Variants in GGN observed in about 807,000 individuals in gnomAD.
GGN encodes the protein gametogenetin.
Under a neutral mutation model 35.5 loss-of-function variants are expected in GGN, and 27 were observed. The ratio of observed to expected loss-of-function variants is 0.76; its 90% confidence interval spans 0.56 to 1.05. GGN has a LOEUF of 1.05. Among genes scored for constraint, GGN ranks in the 50% least tolerant of loss-of-function variants. The pLI is 0.00. For synonymous variants in GGN, 425 were observed against 444.1 expected (o/e 0.96, Z 0.54); for missense variants, 1,006 against 940.7 (o/e 1.07, Z -0.91).
rs746045023 is a variant in GGN at position 38,385,610 on chromosome 19, C to T, written c.1652G>A (p.Arg551Gln). 7.4e-6 allele frequency: 12 copies of T among 1,614,000 alleles called. No individual in the cohort carries two copies. The South Asian group carries it at 7.7e-5, about 10-fold the overall frequency. Residue 551 changes from arginine to glutamine, a missense_variant, in exon 3 of 4, where the codon CGA (arginine) becomes CAA (glutamine). Coordinates refer to ENST00000334928, the MANE Select transcript of GGN (RefSeq NM_152657.4). Reference sequence around the variant, plus strand: ...GCTGTCAGGCACGGTAGCTGTAGCTCGTTCGCGAGGACCATCTCCATGCAA... The same window carrying T: ...GCTGTCAGGCACGGTAGCTGTAGCTTGTTCGCGAGGACCATCTCCATGCAA... ...DGLHGDGPRE[R>Q]ATATVPDSSG...
chr19:38,384,339 C>T lies in GGN; in HGVS notation c.*73G>A. The T allele has an allele frequency of 9.0e-7, 1 of 1,110,266 alleles. No individual in the cohort carries two copies. The highest frequency in any genetic ancestry group is 1.4e-6 in the Non-Finnish European group (1 of 731,366). The allele number at this position is 1,110,266 out of a possible 1,614,324, so 68.8% of individuals were successfully genotyped here. The stretch of plus-strand genomic sequence containing the variant: ...ACCCACTGCCTTGGCGAGTGATTGA[C>T]AGGCTGCTGGCATCTGGATTGGTTA... On this transcript the variant is annotated 3_prime_UTR_variant, in exon 4 of 4. Transcript: ENST00000334928.
rs1970746499 is a variant in GGN, at chr19:38,387,127, A to G, written c.135T>C (p.Arg45=). The change falls in exon 3 of 4, where the codon CGT becomes CGC. Residue 45 remains arginine, a synonymous_variant. Coordinates refer to ENST00000334928, the MANE Select transcript of GGN (RefSeq NM_152657.4). The surrounding 1 kb of genome is among the most constrained non-coding windows in gnomAD (Gnocchi z 5.3). ...EMTSQAMRLT[R]GLGVWFPGSA... ...TGCCAGGGAACCAGACACCCAGCCC[A>G]CGAGTCAGGCGCATGGCCTGGGAGG... The G allele has an allele frequency of 6.4e-7, 1 of 1,567,406 alleles. No homozygotes were observed. Among genetic ancestry groups the G allele is most frequent in the Admixed American group, 1.9e-5 (1 of 53,314 alleles).
Position 38,387,115 on chromosome 19 carries a change from G to C in GGN, c.147C>G (p.Val49=), listed in dbSNP as rs1481312847. 1 of 1,562,232 alleles carries C rather than the reference G, an allele frequency of 6.4e-7. No homozygotes were observed. Among genetic ancestry groups the C allele is most frequent in the East Asian group, 2.4e-5 (1 of 41,498 alleles). ...GGGGTGTGGCGCTGCCAGGGAACCA[G>C]ACACCCAGCCCACGAGTCAGGCGCA... ...QAMRLTRGLG[V]WFPGSATPPG... is the part of the protein sequence containing the mutation. Residue 49 remains valine, a synonymous_variant, in exon 3 of 4, where the codon GTC becomes GTG. Transcript: ENST00000334928. This position sits in a 1 kb window ranked among gnomAD's most constrained non-coding sequence, Gnocchi z 5.3.
At position 38,385,765 on chromosome 19, in the gene GGN, A is replaced by G. The variant is rs376498232; in HGVS notation, c.1497T>C (p.Ala499=). ...AGGGCTCAGCCACGGTGGGAGCTGG[A>G]GCCGGGGATGGGGCCGGGGCCTGGT... ...AADQAPAPSP[A]PAPTVAEPSP... The change falls in exon 3 of 4, where the codon GCT becomes GCC. Residue 499 remains alanine, a synonymous_variant. Transcript: ENST00000334928. 6.3e-7 allele frequency: 1 copy of G among 1,575,742 alleles called. No individual in the cohort carries two copies. Among genetic ancestry groups the G allele is most frequent in the African/African-American group, 1.4e-5 (1 of 73,546 alleles).
At position 38,385,663 on chromosome 19, in the gene GGN, T is replaced by C; in HGVS notation, c.1599A>G (p.Ala533=). 6.2e-7 allele frequency: 1 copy of C among 1,613,812 alleles called. No individual in the cohort carries two copies. Among genetic ancestry groups the C allele is most frequent in the Non-Finnish European group, 8.5e-7 (1 of 1,179,950 alleles). Residue 533 remains alanine, a synonymous_variant, in exon 3 of 4, where the codon GCA becomes GCG. Coordinates refer to ENST00000334928, the MANE Select transcript of GGN (RefSeq NM_152657.4). ...TRTRRNKGSR[A]ARGATRKDGL... is the part of the protein sequence containing the mutation. ...CATCCTTACGGGTCGCGCCCCGGGC[T>C]GCACGGGAACCCTTGTTCCTGCGCG...
Position 38,387,129 on chromosome 19 carries a change from G to C in GGN, c.133C>G (p.Arg45Gly), listed in dbSNP as rs753568680. 6.4e-7 allele frequency: 1 copy of C among 1,568,882 alleles called. No homozygotes were observed. The highest frequency in any genetic ancestry group is 8.6e-7 in the Non-Finnish European group (1 of 1,156,828). The change falls in exon 3 of 4, where the codon CGT becomes GGT. Residue 45 changes from arginine (R) to glycine (G), a missense_variant. By Grantham distance (125) the Arg-to-Gly change is moderately radical (BLOSUM62 -2). Coordinates refer to ENST00000334928, the MANE Select transcript of GGN (RefSeq NM_152657.4). The surrounding 1 kb of genome is among the most constrained non-coding windows in gnomAD (Gnocchi z 5.3). ...EMTSQAMRLT[R>G]GLGVWFPGSA... The stretch of plus-strand genomic sequence containing the variant: ...CCAGGGAACCAGACACCCAGCCCAC[G>C]AGTCAGGCGCATGGCCTGGGAGGTC...
Position 38,387,281 on chromosome 19 carries a change from C to A in GGN, c.-19-1G>T. The A allele has an allele frequency of 6.4e-7, 1 of 1,561,544 alleles. No homozygotes were observed. The highest frequency in any genetic ancestry group is 1.2e-5 in the South Asian group (1 of 85,524). Reference sequence around the variant, plus strand: ...CCCCATTTCTGACGGAGCTCGGAGACTAGTCAGAAAAATTTACTCCAGTCA... The same window carrying A: ...CCCCATTTCTGACGGAGCTCGGAGAATAGTCAGAAAAATTTACTCCAGTCA... On this transcript the variant is annotated splice_acceptor_variant, in intron 2 of 3. Coordinates refer to ENST00000334928, the MANE Select transcript of GGN (RefSeq NM_152657.4). LOFTEE classifies it low-confidence loss of function (5UTR_SPLICE). The surrounding 1 kb of genome is among the most constrained non-coding windows in gnomAD (Gnocchi z 5.3).
chr19:38,385,597 G>C lies in GGN; in HGVS notation c.1665C>G (p.Thr555=), dbSNP rs1486681837. 2 of 1,614,164 alleles carry C rather than the reference G, an allele frequency of 1.2e-6. No individual in the cohort carries two copies. Among genetic ancestry groups the C allele is most frequent in the East Asian group, 4.5e-5 (2 of 44,884 alleles). Reference sequence around the variant, plus strand: ...CCCCTCCACCACTGCTGTCAGGCACGGTAGCTGTAGCTCGTTCGCGAGGAC... The same window carrying C: ...CCCCTCCACCACTGCTGTCAGGCACCGTAGCTGTAGCTCGTTCGCGAGGAC... ...GDGPRERATA[T]VPDSSGGGGG... Residue 555 remains threonine, a synonymous_variant, in exon 3 of 4, where the codon ACC becomes ACG. Transcript: ENST00000334928.
chr19:38,386,478 A>G lies in GGN; in HGVS notation c.784T>C (p.Leu262=). The G allele has an allele frequency of 6.2e-7, 1 of 1,612,928 alleles. No individual in the cohort carries two copies. The highest frequency in any genetic ancestry group is 8.5e-7 in the Non-Finnish European group (1 of 1,179,996). ...CCCCCCAGCGAAGCTTTGGCTGCTAAGGAACTCGAGGCTGCCGGAGGGGCC... is the reference window on the plus strand; with the variant it reads ...CCCCCCAGCGAAGCTTTGGCTGCTAGGGAACTCGAGGCTGCCGGAGGGGCC... ...SLAPPAASSS[L]AAKASLGGGG... is the part of the protein sequence containing the mutation. The change falls in exon 3 of 4, where the codon TTA becomes CTA. Residue 262 remains leucine (L), a synonymous_variant. Transcript: ENST00000334928.
rs540210442 is a variant in GGN, at chr19:38,387,075, G to C, written c.187C>G (p.Pro63Ala). ...GAGGGTGAGGCCTGGGGCTCCCGGG[G>C]TACCATGAGTCCCGGGGGTGTGGCG... ...GSATPPGLMV[P>A]REPQASPSTL... The change falls in exon 3 of 4, where the codon CCC (proline) becomes GCC (alanine). Residue 63 changes from proline to alanine, a missense_variant. Transcript: ENST00000334928. The surrounding 1 kb of genome is among the most constrained non-coding windows in gnomAD (Gnocchi z 5.3). 10 of 1,557,868 alleles carry C rather than the reference G, an allele frequency of 6.4e-6. No homozygotes were observed. The African/African-American group carries it at 8.2e-5, about 13-fold the overall frequency.
rs766136931 is a variant in GGN at position 38,386,632 on chromosome 19, G to C, written c.630C>G (p.Gly210=). The C allele has an allele frequency of 6.2e-7, 1 of 1,612,224 alleles. No homozygotes were observed. Among genetic ancestry groups the C allele is most frequent in the African/African-American group, 1.3e-5 (1 of 74,898 alleles). Residue 210 remains glycine, a synonymous_variant, in exon 3 of 4, where the codon GGC becomes GGG. Transcript: ENST00000334928. ...CTCCGCGAGCCCTGCCGGCCGTCTG[G>C]CCCTGGTTGCGGGGCCCAGCCTGGC... ...TESQAGPRNQ[G]QTAGRARGGA...
Position 38,387,236 on chromosome 19 carries a change from G to A in GGN, c.26C>T (p.Ser9Phe). Reference protein sequence around the residue: MGNLQSEPSAGGGSRKVQP... With the variant: MGNLQSEPFAGGGSRKVQP... ...CACTTTTCGGGAGCCCCCGCCCGCG[G>A]ATGGCTCCGACTGCAAGTTCCCCAT... Residue 9 changes from serine to phenylalanine, a missense_variant, in exon 3 of 4, where the codon TCC (serine) becomes TTC (phenylalanine). Transcript: ENST00000334928. This position sits in a 1 kb window ranked among gnomAD's most constrained non-coding sequence, Gnocchi z 5.3. 6.3e-7 allele frequency: 1 copy of A among 1,596,446 alleles called. No homozygotes were observed. Among genetic ancestry groups the A allele is most frequent in the African/African-American group, 1.3e-5 (1 of 74,576 alleles).
Position 38,386,673 on chromosome 19 carries a change from AGGCGGGTGT to A in GGN, c.580_588del (p.Thr194_Ala196del). 6.2e-7 allele frequency: 1 copy of A among 1,610,918 alleles called. No homozygotes were observed. Among genetic ancestry groups the A allele is most frequent in the Non-Finnish European group, 8.5e-7 (1 of 1,178,382 alleles). ...CCAGCCTGGCTTTCTGTCGGGGGTG[AGGCGGGTGT>A]GGCCAGAGCAGGAGTGATTCTGCGG... On this transcript the variant is annotated inframe_deletion, in exon 3 of 4. Transcript: ENST00000334928.
chr19:38,386,207 T>G lies in GGN; in HGVS notation c.1055A>C (p.Asp352Ala), dbSNP rs1403852094. ...TTFPGSKPKF[D>A]WVSAPDGPER... ...AGGGCCGTCGGGAGCGCTAACCCAG[T>G]CGAATTTGGGCTTCGAGCCTGGGAA... Residue 352 changes from aspartate to alanine, a missense_variant, in exon 3 of 4, where the codon GAC becomes GCC. Transcript: ENST00000334928. 2 of 1,605,028 alleles carry G rather than the reference T, an allele frequency of 1.2e-6. No homozygotes were observed. The highest frequency in any genetic ancestry group is 2.7e-5 in the African/African-American group (2 of 74,678).
rs7248780 is a variant in GGN at position 38,387,393 on chromosome 19, C to G, written c.-19-113G>C. ...GGCCCCGCCCCTGTTCTCCAAGATC[C>G]GATCAGGCCCAAGTCCTTAGGTCGC... On this transcript the variant is annotated intron_variant, in intron 2 of 3. Transcript: ENST00000334928. The surrounding 1 kb of genome is among the most constrained non-coding windows in gnomAD (Gnocchi z 5.3). The G allele has an allele frequency of 2.1e-6, 3 of 1,430,716 alleles. No homozygotes were observed. The African/African-American group carries it at 4.3e-5, about 21-fold the overall frequency. The allele number at this position is 1,430,716 out of a possible 1,614,324, so 88.6% of individuals were successfully genotyped here.
At chr19:38,384,666 G>A in intron 3 of GGN, 137 bp from the exon 4 acceptor site, 1 of 648,402 alleles carries the variant, frequency 1.5e-6, no homozygotes, top group Non-Finnish European at 2.7e-6. Flanking sequence ...GTTTAGGGCA[G>A]GGCTGTGGCC....
intron 3 of GGN, 50 bp from the exon 4 acceptor site, chr19:38,384,579 C>G (rs769076458): frequency 3.1e-5 from 42 of 1,343,126 alleles, no homozygotes; most frequent in Non-Finnish European, 4.3e-5. Context: ...GACCAGGCCT[C>G]TAGCCCTTCT....
In GGN at chr19:38,385,733, G is replaced by T. The variant is rs772836693; in HGVS notation, c.1529C>A (p.Pro510His). ...PAPTVAEPSPPVSAPAPAAAP... is the reference protein window; with the variant it reads ...PAPTVAEPSPHVSAPAPAAAP... Reference sequence around the variant, plus strand: ...AGCCGCGGGTGCGGGCGCGGACACAGGCGGCGAGGGCTCAGCCACGGTGGG... The same window carrying T: ...AGCCGCGGGTGCGGGCGCGGACACATGCGGCGAGGGCTCAGCCACGGTGGG... Residue 510 changes from proline (P) to histidine (H), a missense_variant, in exon 3 of 4, where the codon CCT (proline) becomes CAT (histidine). Physicochemically the swap from Pro to His is moderately conservative, Grantham distance 77. Coordinates refer to ENST00000334928, the MANE Select transcript of GGN (RefSeq NM_152657.4). 10 of 1,605,978 alleles carry T rather than the reference G, an allele frequency of 6.2e-6. No individual in the cohort carries two copies. Among genetic ancestry groups the T allele is most frequent in the Non-Finnish European group, 8.5e-7 (1 of 1,177,286 alleles).
Position 38,386,642 on chromosome 19 carries a change from C to T in GGN, c.620G>A (p.Arg207His), listed in dbSNP as rs1022271635. The change falls in exon 3 of 4, where the codon CGC becomes CAC. Residue 207 changes from arginine to histidine, a missense_variant. Transcript: ENST00000334928. ...SPPTESQAGPRNQGQTAGRAR... is the reference protein window; with the variant it reads ...SPPTESQAGPHNQGQTAGRAR... Reference sequence around the variant, plus strand: ...CCTGCCGGCCGTCTGGCCCTGGTTGCGGGGCCCAGCCTGGCTTTCTGTCGG... The same window carrying T: ...CCTGCCGGCCGTCTGGCCCTGGTTGTGGGGCCCAGCCTGGCTTTCTGTCGG... 9 of 1,611,918 alleles carry T rather than the reference C, an allele frequency of 5.6e-6. No homozygotes were observed. The African/African-American group carries it at 1.1e-4, about 19-fold the overall frequency.
Sources: allele counts gnomAD v4.1 joint callset, GRCh38; gene constraint gnomAD v4.1.1; non-coding constraint Gnocchi (gnomAD v3.1); transcripts MANE v1.5; gene names NCBI Gene and HGNC (gene_info 2026-07-23, HGNC 2026-07-21).